The following ATP6V1E2 variants were observed in gnomAD, a reference collection of about 807,000 sequenced individuals.
ATP6V1E2 encodes the protein V-type proton ATPase subunit E 2.
For missense variants in ATP6V1E2, 308 were observed against 273.3 expected, an observed-to-expected ratio of 1.13 and a Z score of -0.90; for synonymous variants, 121 against 104.2, an observed-to-expected ratio of 1.16 and a Z score of -0.98.
intron 2 of ATP6V1E2, among the ~76,000 whole-genome samples, chr2:46,539,987 T>C (rs1249406886): frequency 6.6e-6 from 1 of 152,216 alleles, no homozygotes; most frequent in Non-Finnish European, 1.5e-5. Flanking sequence ...GACTGTGGCT[T>C]TCCAGCTCTT....
intron 4 of ATP6V1E2, among the ~76,000 whole-genome samples, chr2:46,515,427 T>C (rs1351643510): frequency 6.6e-6 from 1 of 152,220 alleles, no homozygotes; most frequent in South Asian, 2.1e-4. Flanking sequence ...ATTCATCAGC[T>C]TAAAGTAGAC....
intron 4 of ATP6V1E2, among the ~76,000 whole-genome samples, chr2:46,531,750 G>A (rs1208634792): frequency 6.6e-6 from 1 of 152,026 alleles, no homozygotes; most frequent in Non-Finnish European, 1.5e-5. Flanking sequence ...ACCTCATTGA[G>A]GTTTTTATTT....
chr2:46,512,756 T>C lies in ATP6V1E2; in HGVS notation c.-45A>G. ...GGCAGAGAGGGAGCTCGTACACCGT[T>C]TGGCTCCTTTGACTTAGGACAATTT... is the stretch of plus-strand genomic sequence containing the variant. On this transcript the variant is annotated 5_prime_UTR_variant, in exon 5 of 5. Transcript: ENST00000522587. 4.6e-6 allele frequency: 7 copies of C among 1,528,964 alleles called. No homozygotes were observed. Among genetic ancestry groups the C allele is most frequent in the Non-Finnish European group, 6.2e-6 (7 of 1,136,610 alleles). 94.7% of individuals were successfully genotyped at this position (1,528,964 alleles called of 1,614,324 possible).
At chr2:46,532,259 T>C (rs1196361796) in intron 4 of ATP6V1E2, among the ~76,000 whole-genome samples, 3 of 152,152 alleles carry the variant, frequency 2.0e-5, no homozygotes, top group Non-Finnish European at 4.4e-5. Context: ...TCACCATTTA[T>C]TGAAGAGACT....
chr2:46,520,136 G>A (rs1572702313), intron 4 of ATP6V1E2, among the ~76,000 whole-genome samples: 1 of 152,298 alleles, frequency 6.6e-6, no homozygotes, highest in Non-Finnish European at 1.5e-5. Flanking sequence ...TCCCCTCCCT[G>A]CACTCCCACT....
intron 4 of ATP6V1E2, among the ~76,000 whole-genome samples, chr2:46,518,734 G>T (rs1666436329): frequency 6.7e-6 from 1 of 149,370 alleles, no homozygotes; most frequent in South Asian, 2.1e-4. Context: ...AGCATTTTCT[G>T]CTCCTAAATA....
At chr2:46,527,040 T>C (rs1177196383) in intron 4 of ATP6V1E2, among the ~76,000 whole-genome samples, 2 of 152,170 alleles carry the variant, frequency 1.3e-5, no homozygotes, top group African/African-American at 4.8e-5. Context: ...CAGTACTTGC[T>C]GTTTTCTGGT....
chr2:46,531,215 C>A (rs919406047), intron 4 of ATP6V1E2, among the ~76,000 whole-genome samples: 4 of 152,238 alleles, frequency 2.6e-5, no homozygotes, highest in African/African-American at 9.6e-5. Flanking sequence ...CCATAGCAAC[C>A]ACCAACTTAC....
intron 2 of ATP6V1E2, among the ~76,000 whole-genome samples, chr2:46,540,880 G>A (rs897225116): frequency 2.0e-5 from 3 of 152,150 alleles, no homozygotes; most frequent in African/African-American, 7.2e-5. Flanking sequence ...AGTCACCACT[G>A]CATGATTCAT....
intron 2 of ATP6V1E2, among the ~76,000 whole-genome samples, chr2:46,540,436 CA>C (rs35794315): frequency 3.3e-4 from 41 of 124,798 alleles, no homozygotes; most frequent in Non-Finnish European, 4.4e-4. Flanking sequence ...GACCCTATCT[CA>C]AAAAAAAAAA....
intron 4 of ATP6V1E2, among the ~76,000 whole-genome samples, chr2:46,520,446 G>A (rs926414361): frequency 6.6e-6 from 1 of 152,232 alleles, no homozygotes; most frequent in African/African-American, 2.4e-5. Flanking sequence ...CTCCGCCTGT[G>A]CTGGGGACAG....
intron 4 of ATP6V1E2, among the ~76,000 whole-genome samples, chr2:46,517,531 A>T (rs181976805): frequency 2.8e-4 from 42 of 152,394 alleles, no homozygotes; most frequent in Non-Finnish European, 5.7e-4. Context: ...CAAACAATCC[A>T]CAGAGTGAAA....
At chr2:46,517,601 T>C (rs148843102) in intron 4 of ATP6V1E2, among the ~76,000 whole-genome samples, 176 of 152,174 alleles carry the variant, frequency 1.2e-3, no homozygotes, top group African/African-American at 4.1e-3. Flanking sequence ...GAAGTTAATA[T>C]CCAGAATACA....
At chr2:46,517,903 T>A (rs769285368) in intron 4 of ATP6V1E2, among the ~76,000 whole-genome samples, 6 of 152,186 alleles carry the variant, frequency 3.9e-5, no homozygotes, top group Non-Finnish European at 7.4e-5. Flanking sequence ...GTGCACTGGG[T>A]TGGTGGGAAT....
At chr2:46,540,243 G>A (rs1023495736) in intron 2 of ATP6V1E2, among the ~76,000 whole-genome samples, 6 of 151,888 alleles carry the variant, frequency 4.0e-5, no homozygotes, top group South Asian at 2.1e-4. Flanking sequence ...GCAACGTGGC[G>A]AAACCCCGCT....
At chr2:46,536,431 G>A (rs1231013075) in intron 3 of ATP6V1E2, among the ~76,000 whole-genome samples, 180 bp downstream of exon 3, 1 of 152,202 alleles carries the variant, frequency 6.6e-6, no homozygotes, top group African/African-American at 2.4e-5. Context: ...GTGGCAGGGA[G>A]AAAAATAGGG....
chr2:46,516,459 A>C (rs1687714187), intron 4 of ATP6V1E2, among the ~76,000 whole-genome samples: 1 of 152,218 alleles, frequency 6.6e-6, no homozygotes, highest in African/African-American at 2.4e-5. Flanking sequence ...GGCCGGATGC[A>C]ATGGCTCATG....
At chr2:46,533,056 GTTT>G (rs1275046189) in intron 4 of ATP6V1E2, among the ~76,000 whole-genome samples, 1 of 148,470 alleles carries the variant, frequency 6.7e-6, no homozygotes, top group African/African-American at 2.5e-5. Context: ...GGTCAATTGT[GTTT>G]TTTATTTTTT....
chr2:46,536,351 T>C (rs1273261454), intron 3 of ATP6V1E2, among the ~76,000 whole-genome samples: 1 of 152,158 alleles, frequency 6.6e-6, no homozygotes, highest in Non-Finnish European at 1.5e-5. Flanking sequence ...GAAATTGCTG[T>C]GGTGTTTAAC....
Sources: allele counts gnomAD v4.1 joint callset (sites outside exome capture counted in the v4.1 genomes callset), GRCh38; gene constraint gnomAD v4.1.1; transcripts MANE v1.5; gene names NCBI Gene and HGNC (gene_info 2026-07-23, HGNC 2026-07-21).